Variants in GRIN3A observed in about 807,000 individuals in gnomAD.
GRIN3A encodes the protein glutamate ionotropic receptor NMDA type subunit 3A.
GRIN3A carries 47 observed loss-of-function variants against 92.4 expected under a neutral mutation model. The ratio of observed to expected loss-of-function variants is 0.51; its 90% CI spans 0.40 to 0.65. GRIN3A has a LOEUF of 0.65. Among genes scored for constraint, GRIN3A ranks in the 30% least tolerant of loss-of-function variants. The probability of loss-of-function intolerance (pLI) is 0.00; values close to 1 mark genes in which losing one functional copy is unlikely to be tolerated. For synonymous variants in GRIN3A, 527 were observed against 540.6 expected, an observed-to-expected ratio of 0.97 and a Z score of 0.35; for missense variants, 1,324 against 1,393.1, an observed-to-expected ratio of 0.95 and a Z score of 0.79.
At chr9:101,730,990 G>A (rs561272459) in intron 1 of GRIN3A, among the ~76,000 whole-genome samples, 2 of 152,038 alleles carry the variant, frequency 1.3e-5, no homozygotes, top group African/African-American at 4.8e-5. Context: ...ACAGGAACAA[G>A]GTCACACTTT....
chr9:101,601,005 G>A (rs1828203624), intron 6 of GRIN3A: 1 of 152,142 alleles, frequency 6.6e-6, no homozygotes, highest in Non-Finnish European at 1.5e-5. Flanking sequence ...AACAAAACAT[G>A]TCATCAGAGA....
At chr9:101,624,873 A>T (rs1169154927) in intron 4 of GRIN3A, among the ~76,000 whole-genome samples, 3 of 152,206 alleles carry the variant, frequency 2.0e-5, no homozygotes, top group Non-Finnish European at 4.4e-5. Flanking sequence ...AGCAGTTAGA[A>T]TGGCAATCAT....
chr9:101,587,168 G>C (rs1160689313), intron 6 of GRIN3A, among the ~76,000 whole-genome samples: 3 of 152,074 alleles, frequency 2.0e-5, no homozygotes, highest in Non-Finnish European at 4.4e-5. Context: ...AAATTAGTCA[G>C]GCATGGTGGC....
intron 3 of GRIN3A, among the ~76,000 whole-genome samples, chr9:101,663,127 G>C (rs1191502597): frequency 2.0e-5 from 3 of 151,734 alleles, no homozygotes; most frequent in Non-Finnish European, 4.4e-5. Context: ...TGCACCTGCA[G>C]CCCCATCCCC....
chr9:101,634,867 GAC>G lies in GRIN3A; in HGVS notation c.2353-6468_2353-6467del, dbSNP rs528156636. On this transcript the variant is annotated intron_variant, in intron 3 of 8. Transcript: ENST00000361820. ...TATTGATGATCACACAAGGACAAAA[GAC>G]ACACTCGGACTATCCTGGAAAACAA... Among the ~76,000 whole-genome samples, 63 of 152,306 alleles carry G rather than the reference GAC, an allele frequency of 4.1e-4. 1 individual carries two copies. Among genetic ancestry groups the G allele is most frequent in the African/African-American group, 1.4e-3 (58 of 41,564 alleles).
At chr9:101,575,243 T>C (rs1366036447) in intron 8 of GRIN3A, among the ~76,000 whole-genome samples, 1 of 152,194 alleles carries the variant, frequency 6.6e-6, no homozygotes, top group Non-Finnish European at 1.5e-5. Context: ...CTGGGCTGGG[T>C]AAAAGTTCTG....
intron 2 of GRIN3A, among the ~76,000 whole-genome samples, chr9:101,679,380 C>G (rs1829439758): frequency 6.6e-6 from 1 of 152,056 alleles, no homozygotes; most frequent in African/African-American, 2.4e-5. Flanking sequence ...CTGCTGAATC[C>G]TAGATTAAGT....
intron 1 of GRIN3A, among the ~76,000 whole-genome samples, chr9:101,728,836 G>T (rs889914714): frequency 1.3e-5 from 2 of 152,178 alleles, no homozygotes; most frequent in Admixed American, 1.3e-4. Flanking sequence ...TTTTGATATA[G>T]TCCGCATCCA....
intron 6 of GRIN3A, among the ~76,000 whole-genome samples, chr9:101,599,808 C>G (rs1828187574): frequency 6.6e-6 from 1 of 152,152 alleles, no homozygotes; most frequent in South Asian, 2.1e-4. Flanking sequence ...CCAGGTCACA[C>G]AGCTGTTCTA....
chr9:101,649,196 A>G (rs556991545), intron 3 of GRIN3A, among the ~76,000 whole-genome samples: 1 of 152,138 alleles, frequency 6.6e-6, no homozygotes, highest in South Asian at 2.1e-4. Flanking sequence ...TCCTTGCCTT[A>G]TAATTGTTTC....
chr9:101,634,284 G>T (rs1182206748), intron 3 of GRIN3A, among the ~76,000 whole-genome samples: 1 of 138,472 alleles, frequency 7.2e-6, no homozygotes. Flanking sequence ...AGTGAGCCGA[G>T]ATCGCGCCAC....
Position 101,703,864 on chromosome 9 carries a change from A to T in GRIN3A, c.700-16664T>A, listed in dbSNP as rs984807647. On this transcript the variant is annotated intron_variant, in intron 1 of 8. Coordinates refer to ENST00000361820, the MANE Select transcript of GRIN3A (RefSeq NM_133445.3). ...TGTCTTTTTGGCTGCCTCTGTCTCG[A>T]GCAATCCCAGTCTGATACTCCCTCT... Among the ~76,000 whole-genome samples, 4 of 152,184 alleles carry T rather than the reference A, an allele frequency of 2.6e-5. No homozygotes were observed. In the East Asian group the frequency reaches 7.7e-4, roughly 29 times the overall value.
chr9:101,585,027 T>TG (rs1286727912), intron 6 of GRIN3A, among the ~76,000 whole-genome samples: 2 of 152,202 alleles, frequency 1.3e-5, no homozygotes, highest in African/African-American at 2.4e-5. Context: ...TCTAGAGTGT[T>TG]GTCTATACTC....
intron 3 of GRIN3A, among the ~76,000 whole-genome samples, chr9:101,656,903 T>C (rs1829095945): frequency 6.6e-6 from 1 of 151,900 alleles, no homozygotes; most frequent in Non-Finnish European, 1.5e-5. Context: ...TTGCCTTTTT[T>C]TCTGGTTTCT....
rs190388202 is a variant in GRIN3A, at chr9:101,701,620, A to T, written c.700-14420T>A. On this transcript the variant is annotated intron_variant, in intron 1 of 8. Transcript: ENST00000361820. ...ACAGACAAAAAACCTTGACAATACC[A>T]TTCAGGACATTGGCACAGACAAAGA... Among the ~76,000 whole-genome samples, 5 of 152,316 alleles carry T rather than the reference A, an allele frequency of 3.3e-5. No homozygotes were observed. The East Asian group carries it at 9.6e-4, about 29-fold the overall frequency.
At chr9:101,630,311 C>T (rs1828694063) in intron 3 of GRIN3A, among the ~76,000 whole-genome samples, 1 of 152,074 alleles carries the variant, frequency 6.6e-6, no homozygotes, top group Admixed American at 6.6e-5. Context: ...CACCCTCCTA[C>T]CCAAAACAAC....
At chr9:101,698,556 T>C (rs1829712109) in intron 1 of GRIN3A, among the ~76,000 whole-genome samples, 1 of 152,194 alleles carries the variant, frequency 6.6e-6, no homozygotes, top group South Asian at 2.1e-4. Flanking sequence ...AACCTATTAC[T>C]CCTAGGCTGC....
At chr9:101,709,662 T>C (rs1829855182) in intron 1 of GRIN3A, among the ~76,000 whole-genome samples, 1 of 152,252 alleles carries the variant, frequency 6.6e-6, no homozygotes, top group African/African-American at 2.4e-5. Context: ...GGGAGAATAA[T>C]GCCTTCCTCT....
intron 1 of GRIN3A, among the ~76,000 whole-genome samples, chr9:101,723,478 A>C (rs910887462): frequency 2.6e-5 from 4 of 152,170 alleles, no homozygotes; most frequent in African/African-American, 9.7e-5. Context: ...CAGTAGCAAG[A>C]TTTATTGCAA....
Sources: allele counts gnomAD v4.1 joint callset (sites outside exome capture counted in the v4.1 genomes callset), GRCh38; gene constraint gnomAD v4.1.1; transcripts MANE v1.5; gene names NCBI Gene and HGNC (gene_info 2026-07-23, HGNC 2026-07-21).